The following PCDH7 variants were observed in gnomAD, a reference collection of about 807,000 sequenced individuals.
PCDH7 encodes protocadherin 7, also known as protocadherin-7.
PCDH7 carries 17 observed loss-of-function variants against 58.9 expected under a neutral mutation model. The ratio of observed to expected loss-of-function variants is 0.29; its 90% CI spans 0.20 to 0.43. The LOEUF (loss-of-function observed/expected upper bound fraction) is 0.43. Ranked by LOEUF, PCDH7 falls within the 20% of genes least tolerant of loss-of-function variation. The probability of loss-of-function intolerance (pLI) is 1.00; values close to 1 mark genes in which losing one functional copy is unlikely to be tolerated. For missense variants in PCDH7, 1,274 were observed against 1,441.0 expected (o/e 0.88, Z 1.88); for synonymous variants, 664 against 616.4 (o/e 1.08, Z -1.14).
At chr4:30,821,773 CG>C (rs1728407305) in intron 1 of PCDH7, among the ~76,000 whole-genome samples, 1 of 152,070 alleles carries the variant, frequency 6.6e-6, no homozygotes, top group South Asian at 2.1e-4. Context: ...GTTGAATTGC[CG>C]GAATTCAAAA....
intron 3 of PCDH7, among the ~76,000 whole-genome samples, chr4:30,977,935 AG>A (rs778045188): frequency 2.6e-5 from 4 of 152,228 alleles, no homozygotes; most frequent in Non-Finnish European, 5.9e-5. Flanking sequence ...TTGCGTATAT[AG>A]TGATGCAGAG....
intron 3 of PCDH7, among the ~76,000 whole-genome samples, chr4:30,959,549 G>C (rs1298267372): frequency 1.3e-5 from 2 of 152,118 alleles, no homozygotes; most frequent in Non-Finnish European, 2.9e-5. Flanking sequence ...CATGACTATA[G>C]TTTGCACAGA....
At chr4:30,919,716 T>C (rs1371301141) in intron 1 of PCDH7, among the ~76,000 whole-genome samples, 1 of 152,186 alleles carries the variant, frequency 6.6e-6, no homozygotes, top group Non-Finnish European at 1.5e-5. Flanking sequence ...TTTATAGCTT[T>C]GTATGATATG....
chr4:31,097,604 AT>A (rs1714233062), intron 3 of PCDH7, among the ~76,000 whole-genome samples: 1 of 39,440 alleles, frequency 2.5e-5, no homozygotes, highest in Admixed American at 2.4e-4. Context: ...ATATATATAT[AT>A]ATATATATAT....
chr4:30,974,885 G>T (rs986862450), intron 3 of PCDH7, among the ~76,000 whole-genome samples: 1 of 152,090 alleles, frequency 6.6e-6, no homozygotes, highest in South Asian at 2.1e-4. Flanking sequence ...AAAGAGAAAG[G>T]CCTTTTATTT....
At chr4:30,813,864 A>C (rs984999173) in intron 1 of PCDH7, among the ~76,000 whole-genome samples, 2 of 151,936 alleles carry the variant, frequency 1.3e-5, no homozygotes, top group Non-Finnish European at 2.9e-5. Flanking sequence ...CTGGTCTCGA[A>C]CTCCTGACCT....
At chr4:30,859,509 G>A (rs1733920196) in intron 1 of PCDH7, among the ~76,000 whole-genome samples, 1 of 149,910 alleles carries the variant, frequency 6.7e-6, no homozygotes, top group East Asian at 2.0e-4. Context: ...GTGCAATCTC[G>A]ACTCACTGCA....
At chr4:30,866,034 C>A (rs1291593282) in intron 1 of PCDH7, among the ~76,000 whole-genome samples, 1 of 152,022 alleles carries the variant, frequency 6.6e-6, no homozygotes, top group East Asian at 1.9e-4. Context: ...TAGTTGAATT[C>A]CTGTATGTTA....
At chr4:31,031,410 A>T (rs927994854) in intron 3 of PCDH7, among the ~76,000 whole-genome samples, 3 of 152,208 alleles carry the variant, frequency 2.0e-5, no homozygotes, top group Non-Finnish European at 4.4e-5. Flanking sequence ...AATCATTTCA[A>T]GTAGAAGGAA....
chr4:30,751,963 C>T, intron 1 of PCDH7, among the ~76,000 whole-genome samples: 1 of 151,988 alleles, frequency 6.6e-6, no homozygotes, highest in Non-Finnish European at 1.5e-5. Context: ...AAACTTGTTG[C>T]CATGATGGTT....
intron 1 of PCDH7, among the ~76,000 whole-genome samples, chr4:30,905,834 C>G (rs564494851): frequency 6.6e-6 from 1 of 152,264 alleles, no homozygotes; most frequent in Admixed American, 6.5e-5. Context: ...TTACACCAGC[C>G]TTGCTATCCT....
intron 1 of PCDH7, among the ~76,000 whole-genome samples, chr4:30,774,130 T>C (rs768464186): frequency 2.0e-5 from 3 of 152,198 alleles, no homozygotes; most frequent in Non-Finnish European, 4.4e-5. Flanking sequence ...CTCTGACCTC[T>C]AGAGTCCCTT....
intron 1 of PCDH7, among the ~76,000 whole-genome samples, chr4:30,831,238 G>A (rs549219420): frequency 2.4e-4 from 36 of 152,176 alleles, no homozygotes; most frequent in Middle Eastern, 6.8e-3. Context: ...GGACAATTAA[G>A]AAGCATCATA....
intron 1 of PCDH7, among the ~76,000 whole-genome samples, chr4:30,798,968 T>A (rs1725154282): frequency 6.6e-6 from 1 of 152,228 alleles, no homozygotes; most frequent in Non-Finnish European, 1.5e-5. Context: ...GTTCTGTAGT[T>A]TATAGGACTC....
At chr4:30,989,793 C>G (rs1751301889) in intron 3 of PCDH7, among the ~76,000 whole-genome samples, 1 of 152,030 alleles carries the variant, frequency 6.6e-6, no homozygotes, top group Non-Finnish European at 1.5e-5. Flanking sequence ...GACACCCTTC[C>G]CCACCAAAAA....
chr4:31,050,939 T>G (rs1756685079), intron 3 of PCDH7, among the ~76,000 whole-genome samples: 1 of 152,156 alleles, frequency 6.6e-6, no homozygotes, highest in African/African-American at 2.4e-5. Context: ...TGCTTCACAT[T>G]GTCTATCCTC....
At chr4:30,824,648 G>C (rs1728879771) in intron 1 of PCDH7, among the ~76,000 whole-genome samples, 1 of 152,046 alleles carries the variant, frequency 6.6e-6, no homozygotes, top group Non-Finnish European at 1.5e-5. Context: ...AGGCAGAGTA[G>C]GAGGAAACAA....
intron 1 of PCDH7, among the ~76,000 whole-genome samples, chr4:30,864,046 A>T (rs1386527765): frequency 6.6e-6 from 1 of 152,166 alleles, no homozygotes; most frequent in African/African-American, 2.4e-5. Flanking sequence ...GGCTCAATAC[A>T]GTGCACAAAA....
chr4:30,745,396 TATC>T (rs1395831893), intron 1 of PCDH7, among the ~76,000 whole-genome samples: 1 of 152,140 alleles, frequency 6.6e-6, no homozygotes, highest in Non-Finnish European at 1.5e-5. Context: ...CTGGAGCACT[TATC>T]ATGTGTCCTA....
Sources: gnomAD v4.1 joint callset for allele counts (sites outside exome capture counted in the v4.1 genomes callset) on GRCh38, gnomAD v4.1.1 for gene constraint, MANE v1.5 for transcripts, NCBI Gene and HGNC (gene_info 2026-07-23, HGNC 2026-07-21) for gene names.